The following TTN variants were observed in gnomAD, a reference collection of about 807,000 sequenced individuals.
TTN encodes titin.
In TTN, 1,525 loss-of-function variants were observed where a neutral mutation model predicts 3,223.0. That is an observed-to-expected ratio of 0.47 (90% CI 0.45 to 0.49). TTN has a LOEUF of 0.49. Among genes scored for constraint, TTN ranks in the 20% least tolerant of loss-of-function variants. TTN has a pLI of 0.00. For synonymous variants in TTN, 14,094 were observed against 15,161.0 expected (o/e 0.93, Z 5.17); for missense variants, 40,786 against 43,424.0 (o/e 0.94, Z 5.40).
chr2:178,620,166 C>T, intron 248 of TTN, 51 bp downstream of exon 248: 1 of 1,587,850 alleles, frequency 6.3e-7, no homozygotes, highest in Non-Finnish European at 8.6e-7. Flanking sequence ...ACTAAATTGT[C>T]AAAAGTGTAT....
At position 178,719,644 on chromosome 2, in the gene TTN, A is replaced by T; in HGVS notation, c.23848T>A (p.Cys7950Ser). ...AATCCTTTGTCACTCATTTCGGCAC[A>T]GGGGATTTTAAGGGAAGCCACTTTA... ...INKVASLKIP[C>S]AEMSDKGLYS... Residue 7950 changes from cysteine to serine, a missense_variant, in exon 82 of 363, where the codon TGT (cysteine) becomes AGT (serine). By Grantham distance (112) the Cys-to-Ser change is moderately radical. Coordinates refer to ENST00000589042, the MANE Select transcript of TTN (RefSeq NM_001267550.2). 6.2e-7 allele frequency: 1 copy of T among 1,613,766 alleles called. No individual in the cohort carries two copies. The highest frequency in any genetic ancestry group is 8.5e-7 in the Non-Finnish European group (1 of 1,179,730).
At chr2:178,642,355 A>G (rs764323757) in intron 218 of TTN, 38 bp from the exon 219 acceptor site, 2 of 1,527,948 alleles carry the variant, frequency 1.3e-6, no homozygotes, top group Non-Finnish European at 1.8e-6. Context: ...AAGTGAATTT[A>G]TATAAAAACG....
rs530509114 is a variant in TTN, at chr2:178,605,776, T to C, written c.53582-63A>G. The C allele has an allele frequency of 1.6e-4, 210 of 1,293,120 alleles. 5 individuals are homozygous for C. In the South Asian group the frequency reaches 4.5e-3, roughly 28 times the overall value. The allele number at this position is 1,293,120 out of a possible 1,614,324, so 80.1% of individuals were successfully genotyped here. A position where few individuals can be genotyped will look rare whatever the true frequency, so the allele number is the denominator to read the frequency against. On this transcript the variant is annotated intron_variant, in intron 278 of 362. Coordinates refer to ENST00000589042, the MANE Select transcript of TTN (RefSeq NM_001267550.2). ...TAAATATTCATGTAAGAAATAATATTTCACTTCAACTTAATTATGTAAAAA... is the reference window on the plus strand; with the variant it reads ...TAAATATTCATGTAAGAAATAATATCTCACTTCAACTTAATTATGTAAAAA...
chr2:178,678,601 T>C (rs2068635702), intron 143 of TTN, 104 bp from the exon 144 acceptor site: 1 of 1,140,452 alleles, frequency 8.8e-7, no homozygotes, highest in East Asian at 2.7e-5. Context: ...ATGACAAAGG[T>C]ATTCCAAGAA....
At position 178,566,290 on chromosome 2, in the gene TTN, A is replaced by C; in HGVS notation, c.79842T>G (p.Ile26614Met). The part of the protein sequence containing the change: ...VRAGGSARIH[I>M]PFKGRPTPEI... ...CAGGCGTTGGACGACCTTTGAATGG[A>C]ATGTGAATTCTGGCAGATCCACCAG... The change falls in exon 326 of 363, where the codon ATT becomes ATG. Residue 26614 changes from isoleucine to methionine, a missense_variant. By Grantham distance (10) the Ile-to-Met change is conservative (BLOSUM62 1). Coordinates refer to ENST00000589042, the MANE Select transcript of TTN (RefSeq NM_001267550.2). The C allele has an allele frequency of 6.2e-7, 1 of 1,613,656 alleles. No individual in the cohort carries two copies. The highest frequency in any genetic ancestry group is 1.7e-5 in the Admixed American group (1 of 59,994).
chr2:178,609,157 A>G (rs2055682082), intron 273 of TTN, 51 bp downstream of exon 273: 12 of 1,437,270 alleles, frequency 8.3e-6, no homozygotes, highest in Non-Finnish European at 1.1e-5. Context: ...TTTTATTTTT[A>G]TGTTTTACTA....
rs2093124390 is a variant in TTN, at chr2:178,785,709, A to G, written c.2404T>C (p.Leu802=). 3.7e-6 allele frequency: 6 copies of G among 1,614,064 alleles called. No homozygotes were observed. Among genetic ancestry groups the G allele is most frequent in the Non-Finnish European group, 5.1e-6 (6 of 1,180,020 alleles). ...CGGGGGCGTTTATCCACATGGACTA[A>G]TCTTTCCGTTGTTAGATCTGTAGTT... ...KKTTDLTTER[L]VHVDKRPRTA... The change falls in exon 15 of 363, where the codon TTA becomes CTA. Residue 802 remains leucine, a synonymous_variant. Transcript: ENST00000589042.
chr2:178,644,523 A>G (rs747016903), intron 218 of TTN, 25 bp downstream of exon 218: 2 of 1,548,008 alleles, frequency 1.3e-6, no homozygotes, highest in Non-Finnish European at 1.7e-6. Context: ...CTACATAAGT[A>G]TGTATTTTTC....
intron 332 of TTN, 60 bp from the exon 333 acceptor site, chr2:178,554,276 T>G: frequency 6.7e-7 from 1 of 1,486,246 alleles, no homozygotes; most frequent in Non-Finnish European, 9.1e-7. Flanking sequence ...AAATTATACC[T>G]TTGATGTTCG....
At chr2:178,746,789 A>T (rs772946474) in intron 47 of TTN, 9 of 1,613,458 alleles carry the variant, frequency 5.6e-6, no homozygotes, top group Non-Finnish European at 7.6e-6. Context: ...TTCAACTTCA[A>T]CAATGAAGCC....
intron 334 of TTN, 36 bp from the exon 335 acceptor site, chr2:178,553,432 A>G (rs1481041855): frequency 1.7e-5 from 27 of 1,569,928 alleles, no homozygotes; most frequent in Non-Finnish European, 1.9e-5. Context: ...AGTGAATTTT[A>G]AAAGCAAAAA....
Position 178,714,983 on chromosome 2 carries a change from A to G in TTN, c.26200+3T>C. On this transcript the variant is annotated splice_donor_region_variant and intron_variant, in intron 90 of 362. Coordinates refer to ENST00000589042, the MANE Select transcript of TTN (RefSeq NM_001267550.2). The stretch of plus-strand genomic sequence containing the variant: ...GAGCAGAAGTGAATGCAGTCCATCT[A>G]ACCTTTGAGAGCGATGGAACCAACG... The G allele has an allele frequency of 6.2e-7, 1 of 1,603,062 alleles. No individual in the cohort carries two copies. Among genetic ancestry groups the G allele is most frequent in the Non-Finnish European group, 8.5e-7 (1 of 1,174,156 alleles).
Position 178,732,620 on chromosome 2 carries a change from T to A in TTN, c.16441A>T (p.Ile5481Phe). Residue 5481 changes from isoleucine (I) to phenylalanine (F), a missense_variant, in exon 56 of 363, where the codon ATC (isoleucine) becomes TTC (phenylalanine). Physicochemically the swap from Ile to Phe is conservative, Grantham distance 21 (BLOSUM62 0). Coordinates refer to ENST00000589042, the MANE Select transcript of TTN (RefSeq NM_001267550.2). ...TCTTTGTTGCCCTTAAACCATCTGA[T>A]TGTGAGAGGAGTAGATCCTTGGAAA... ...STFQGSTPLTIRWFKGNKELV... is the reference protein window; with the variant it reads ...STFQGSTPLTFRWFKGNKELV... 6.2e-7 allele frequency: 1 copy of A among 1,613,526 alleles called. No homozygotes were observed. Among genetic ancestry groups the A allele is most frequent in the African/African-American group, 1.3e-5 (1 of 74,984 alleles).
intron 300 of TTN, 41 bp downstream of exon 300, chr2:178,592,734 T>C (rs1233387380): frequency 1.9e-6 from 3 of 1,612,428 alleles, no homozygotes; most frequent in Admixed American, 1.7e-5. Context: ...CAATCAGACA[T>C]CTATTTTCCT....
chr2:178,608,794 A>G lies in TTN; in HGVS notation c.52217T>C (p.Leu17406Ser), dbSNP rs1370237214. 2 of 1,612,540 alleles carry G rather than the reference A, an allele frequency of 1.2e-6. No homozygotes were observed. The highest frequency in any genetic ancestry group is 2.2e-5 in the East Asian group (1 of 44,622). Residue 17406 changes from leucine to serine, a missense_variant, in exon 274 of 363, where the codon TTG (leucine) becomes TCG (serine). Transcript: ENST00000589042. ...DGGSEIINYT[L>S]EKKDKTKPDS... ...GGGTTTTGTCTTGTCTTTCTTTTCC[A>G]AAGTGTAGTTTATGATTTCACTGCC...
rs748443352 is a variant in TTN at position 178,730,798 on chromosome 2, C to T, written c.17741-6G>A. 8 of 1,557,094 alleles carry T rather than the reference C, an allele frequency of 5.1e-6. No homozygotes were observed. The highest frequency in any genetic ancestry group is 2.8e-5 in the African/African-American group (2 of 71,966). ...TGAAGGAGGTATGATAAGATCTATT[C>T]AATGAAAAAGCAAACAACAACAAAA... On this transcript the variant is annotated splice_region_variant and splice_polypyrimidine_tract_variant and intron_variant, in intron 60 of 362. Coordinates refer to ENST00000589042, the MANE Select transcript of TTN (RefSeq NM_001267550.2).
In TTN at chr2:178,719,410, C is replaced by T. The variant is rs779653609; in HGVS notation, c.23980G>A (p.Val7994Met). 7 of 1,613,102 alleles carry T rather than the reference C, an allele frequency of 4.3e-6. No individual in the cohort carries two copies. The highest frequency in any genetic ancestry group is 3.3e-5 in the Admixed American group (2 of 59,970). ...ACTGAGGCCCCCAGGATGGCATTCA[C>T]GTCTTTCAGCTTGCGGATGAAGGAA... ...PPSFIRKLKD[V>M]NAILGASVVL... Residue 7994 changes from valine (V) to methionine (M), a missense_variant, in exon 83 of 363, where the codon GTG (valine) becomes ATG (methionine). Val to Met is a conservative substitution (Grantham distance 21). Coordinates refer to ENST00000589042, the MANE Select transcript of TTN (RefSeq NM_001267550.2).
intron 350 of TTN, 117 bp downstream of exon 350, chr2:178,541,165 G>T: frequency 1.0e-6 from 1 of 980,246 alleles, no homozygotes; most frequent in Non-Finnish European, 1.4e-6. Flanking sequence ...TGATTGTGGT[G>T]GTGATTACAA....
chr2:178,791,643 T>C (rs1182650623), intron 10 of TTN, among the ~76,000 whole-genome samples: 1 of 149,194 alleles, frequency 6.7e-6, no homozygotes, highest in African/African-American at 2.5e-5. Flanking sequence ...TCGGGGTGTT[T>C]ATGGCTGATG....
Sources: gnomAD v4.1 joint callset for allele counts (sites outside exome capture counted in the v4.1 genomes callset) on GRCh38, gnomAD v4.1.1 for gene constraint, MANE v1.5 for transcripts, NCBI Gene and HGNC (gene_info 2026-07-23, HGNC 2026-07-21) for gene names.